SPHKAP: variants seen among roughly 807,000 people sequenced by gnomAD.
SPHKAP encodes the protein A-kinase anchor protein SPHKAP.
Under a neutral mutation model 137.5 loss-of-function variants are expected in SPHKAP, and 67 were observed. The ratio of observed to expected loss-of-function variants is 0.49; its 90% CI spans 0.40 to 0.60. The LOEUF is 0.60. Among genes scored for constraint, SPHKAP ranks in the 20% least tolerant of loss-of-function variants. The probability of loss-of-function intolerance (pLI) is 0.00; values close to 1 mark genes in which losing one functional copy is unlikely to be tolerated. For missense variants in SPHKAP, 2,097 were observed against 2,069.3 expected (o/e 1.01, Z -0.26); for synonymous variants, 813 against 785.3 (o/e 1.04, Z -0.59).
chr2:228,016,129 C>T (rs1694578712), intron 7 of SPHKAP, among the ~76,000 whole-genome samples: 1 of 152,052 alleles, frequency 6.6e-6, no homozygotes, highest in South Asian at 2.1e-4. Flanking sequence ...TTACTTTCAA[C>T]TCTCTATCAT....
Position 228,016,893 on chromosome 2 carries a change from T to C in SPHKAP, c.3961A>G (p.Asn1321Asp). Reference protein sequence around the residue: ...ASSIEALMRKNKIIVDDAEEA... With the variant: ...ASSIEALMRKDKIIVDDAEEA... ...TCTGCATCATCCACAATGATTTTGT[T>C]CTTGCGCATGAGAGCCTCAATGGAG... The change falls in exon 7 of 12, where the codon AAC becomes GAC. Residue 1321 changes from asparagine to aspartate, a missense_variant. Transcript: ENST00000392056. The C allele has an allele frequency of 6.2e-7, 1 of 1,614,096 alleles. No homozygotes were observed. Among genetic ancestry groups the C allele is most frequent in the Non-Finnish European group, 8.5e-7 (1 of 1,180,002 alleles).
At chr2:228,036,394 A>G (rs1303153183) in intron 3 of SPHKAP, among the ~76,000 whole-genome samples, 1 of 152,092 alleles carries the variant, frequency 6.6e-6, no homozygotes, top group Admixed American at 6.6e-5. Context: ...CAGGTGCTGG[A>G]GAGGATGTGG....
intron 11 of SPHKAP, among the ~76,000 whole-genome samples, chr2:227,990,366 T>C (rs1270817174): frequency 6.6e-6 from 1 of 152,208 alleles, no homozygotes; most frequent in East Asian, 1.9e-4. Context: ...TACTTTTAAA[T>C]TATGGAAAAT....
chr2:228,075,298 C>CAT (rs1360554808), intron 3 of SPHKAP, among the ~76,000 whole-genome samples: 4 of 152,202 alleles, frequency 2.6e-5, no homozygotes, highest in African/African-American at 9.6e-5. Flanking sequence ...ATGAGTAACA[C>CAT]CTTAGTTAGG....
In SPHKAP at chr2:228,018,243, C is replaced by A. The variant is rs761039182; in HGVS notation, c.2611G>T (p.Gly871Cys). ...RSPTVSQSRS[G>C]SQEAEESIHP... ...ATACTCTCCTCAGCCTCCTGGGAAC[C>A]ACTTCTGGACTGGCTGACCGTTGGG... is the stretch of plus-strand genomic sequence containing the variant. Residue 871 changes from glycine to cysteine, a missense_variant, in exon 7 of 12, where the codon GGT (glycine) becomes TGT (cysteine). Physicochemically the swap from Gly to Cys is radical, Grantham distance 159 (BLOSUM62 -3). Coordinates refer to ENST00000392056, the MANE Select transcript of SPHKAP (RefSeq NM_001142644.2). The A allele has an allele frequency of 1.2e-6, 2 of 1,614,122 alleles. No homozygotes were observed. The highest frequency in any genetic ancestry group is 2.7e-5 in the African/African-American group (2 of 75,054).
intron 3 of SPHKAP, among the ~76,000 whole-genome samples, chr2:228,036,077 C>T (rs1232370665): frequency 6.7e-6 from 1 of 150,272 alleles, no homozygotes; most frequent in Admixed American, 6.6e-5. Flanking sequence ...AAAGAAACTA[C>T]CATCAGAGTG....
At chr2:227,990,658 C>A (rs1214697867) in intron 11 of SPHKAP, among the ~76,000 whole-genome samples, 1 of 152,140 alleles carries the variant, frequency 6.6e-6, no homozygotes, top group African/African-American at 2.4e-5. Flanking sequence ...TGTTATATAT[C>A]AGGTTCTTCT....
intron 3 of SPHKAP, among the ~76,000 whole-genome samples, chr2:228,093,297 T>A (rs928904553): frequency 6.6e-6 from 1 of 152,166 alleles, no homozygotes; most frequent in East Asian, 1.9e-4. Context: ...TACCAAAGAA[T>A]AATAAAATTA....
At position 228,017,961 on chromosome 2, in the gene SPHKAP, C is replaced by G; in HGVS notation, c.2893G>C (p.Gly965Arg). Residue 965 changes from glycine (G) to arginine (R), a missense_variant, in exon 7 of 12, where the codon GGG (glycine) becomes CGG (arginine). Coordinates refer to ENST00000392056, the MANE Select transcript of SPHKAP (RefSeq NM_001142644.2). ...TTGGGTGTCATCAGAAACTCACTCC[C>G]TCTTTTCCATGCACAAAACCAGGGT... ...KQPWFCAWKR[G>R]SEFLMTPNVP... is the part of the protein sequence containing the mutation. The G allele has an allele frequency of 6.2e-7, 1 of 1,614,156 alleles. No individual in the cohort carries two copies.
At chr2:228,153,697 C>A (rs1434821022) in intron 1 of SPHKAP, among the ~76,000 whole-genome samples, 1 of 152,102 alleles carries the variant, frequency 6.6e-6, no homozygotes, top group Non-Finnish European at 1.5e-5. Flanking sequence ...ATTTTCTTAT[C>A]AACTTTTCAA....
chr2:228,108,530 G>A (rs182158170), intron 3 of SPHKAP, among the ~76,000 whole-genome samples: 9 of 152,184 alleles, frequency 5.9e-5, no homozygotes, highest in Non-Finnish European at 1.2e-4. Context: ...GAGAGTTGTT[G>A]AATGGCTTTC....
intron 7 of SPHKAP, among the ~76,000 whole-genome samples, chr2:228,001,355 A>G (rs2106179031): frequency 7.0e-6 from 1 of 143,758 alleles, no homozygotes; most frequent in South Asian, 2.1e-4. Flanking sequence ...ATACACATAT[A>G]TAAATATATA....
chr2:228,087,431 A>C (rs2106322096), intron 3 of SPHKAP, among the ~76,000 whole-genome samples: 1 of 152,314 alleles, frequency 6.6e-6, no homozygotes, highest in South Asian at 2.1e-4. Context: ...CATATGCAAG[A>C]AAAAATAGCA....
At position 228,018,757 on chromosome 2, in the gene SPHKAP, A is replaced by G. The variant is rs1694713746; in HGVS notation, c.2097T>C (p.Ser699=). Residue 699 remains serine (S), a synonymous_variant, in exon 7 of 12, where the codon TCT becomes TCC. Coordinates refer to ENST00000392056, the MANE Select transcript of SPHKAP (RefSeq NM_001142644.2). ...TTTCCATTAAGGTGTCCAGAATTTC[A>G]GATGAATGCCTGTTGTCATTGGGGT... The part of the protein sequence containing the change: ...IIDPNDNRHS[S]EILDTLMEST... The G allele has an allele frequency of 6.2e-7, 1 of 1,614,086 alleles. No homozygotes were observed. Among genetic ancestry groups the G allele is most frequent in the Non-Finnish European group, 8.5e-7 (1 of 1,180,052 alleles).
chr2:228,092,412 TATAC>T (rs140783552), intron 3 of SPHKAP, among the ~76,000 whole-genome samples: 10,576 of 101,156 alleles, frequency 0.1, 1,141 homozygotes, highest in Middle Eastern at 0.19. Context: ...TATACACATA[TATAC>T]ATATATACAT....
chr2:228,015,721 G>A (rs1266724132), intron 7 of SPHKAP, among the ~76,000 whole-genome samples: 2 of 152,140 alleles, frequency 1.3e-5, no homozygotes, highest in African/African-American at 4.8e-5. Context: ...TACACTGCTA[G>A]AATTATACCA....
intron 1 of SPHKAP, among the ~76,000 whole-genome samples, chr2:228,177,325 T>C (rs1439667033): frequency 6.6e-6 from 1 of 152,098 alleles, no homozygotes; most frequent in Non-Finnish European, 1.5e-5. Flanking sequence ...TTCCTTTCTC[T>C]ATAGGAAATT....
intron 3 of SPHKAP, among the ~76,000 whole-genome samples, chr2:228,084,032 G>A (rs978159369): frequency 6.6e-6 from 1 of 151,498 alleles, no homozygotes; most frequent in African/African-American, 2.4e-5. Context: ...AAACCGCCAT[G>A]GCACACGTAT....
chr2:228,141,408 C>A (rs1027563287), intron 1 of SPHKAP, among the ~76,000 whole-genome samples: 1 of 152,156 alleles, frequency 6.6e-6, no homozygotes, highest in Non-Finnish European at 1.5e-5. Flanking sequence ...CTGAGAAATA[C>A]CACATGAAGC....
Sources: allele counts gnomAD v4.1 joint callset (sites outside exome capture counted in the v4.1 genomes callset), GRCh38; gene constraint gnomAD v4.1.1; transcripts MANE v1.5; gene names NCBI Gene and HGNC (gene_info 2026-07-23, HGNC 2026-07-21).